MAP3K5: variants seen among roughly 807,000 people sequenced by gnomAD.
MAP3K5 encodes mitogen-activated protein kinase kinase kinase 5.
Under a neutral mutation model 158.7 loss-of-function variants are expected in MAP3K5, and 56 were observed. The observed-to-expected ratio is 0.35, with a 90% CI of 0.28 to 0.44. The LOEUF is 0.44. Among genes scored for constraint, MAP3K5 ranks in the 20% least tolerant of loss-of-function variants. The pLI is 1.00. For missense variants in MAP3K5, 1,294 were observed against 1,674.8 expected, an observed-to-expected ratio of 0.77 and a Z score of 3.97; for synonymous variants, 579 against 601.7, an observed-to-expected ratio of 0.96 and a Z score of 0.55.
At chr6:136,641,504 TAA>T (rs1421166155) in intron 12 of MAP3K5, among the ~76,000 whole-genome samples, 6 of 151,956 alleles carry the variant, frequency 3.9e-5, no homozygotes, top group South Asian at 2.1e-4. Flanking sequence ...TCTTGATTCT[TAA>T]AAAAATATAT....
intron 8 of MAP3K5, among the ~76,000 whole-genome samples, chr6:136,668,916 A>C (rs965225666): frequency 1.3e-5 from 2 of 152,188 alleles, no homozygotes; most frequent in Non-Finnish European, 2.9e-5. Context: ...TTTTTGAAAA[A>C]AAAGCACCAC....
At chr6:136,707,087 C>T (rs1023692417) in intron 2 of MAP3K5, among the ~76,000 whole-genome samples, 1 of 152,014 alleles carries the variant, frequency 6.6e-6, no homozygotes, top group Non-Finnish European at 1.5e-5. Flanking sequence ...CCTTGAAGAT[C>T]GAGGCTGCAG....
chr6:136,689,495 C>A (rs1780296325), intron 7 of MAP3K5, among the ~76,000 whole-genome samples: 1 of 152,122 alleles, frequency 6.6e-6, no homozygotes, highest in African/African-American at 2.4e-5. Flanking sequence ...TTGAATGTTT[C>A]TCCCCAAAAG....
Position 136,790,404 on chromosome 6 carries a change from G to C in MAP3K5, c.448+1306C>G, listed in dbSNP as rs1248725841. ...TCCAAATTATAATCCAAAAATAAGA[G>C]TGCTACAATTTTTAGAAAAGTTATG... On this transcript the variant is annotated intron_variant, in intron 1 of 29. Transcript: ENST00000359015. Among the ~76,000 whole-genome samples, 9 of 152,240 alleles carry C rather than the reference G, an allele frequency of 5.9e-5. No homozygotes were observed. In the East Asian group the frequency reaches 1.5e-3, roughly 26 times the overall value.
chr6:136,639,721 T>C (rs1415146902), intron 12 of MAP3K5, 83 bp from the exon 13 acceptor site: 3 of 663,824 alleles, frequency 4.5e-6, no homozygotes, highest in South Asian at 1.9e-5. Flanking sequence ...ATGTTTTAAA[T>C]TCAATCCCAT....
intron 1 of MAP3K5, among the ~76,000 whole-genome samples, chr6:136,752,748 G>C (rs1466780853): frequency 6.6e-6 from 1 of 152,172 alleles, no homozygotes. Flanking sequence ...ACTCCAGGAA[G>C]AAGATGAAGG....
chr6:136,592,055 C>G, intron 23 of MAP3K5, 118 bp downstream of exon 23: 2 of 813,824 alleles, frequency 2.5e-6, no homozygotes, highest in Non-Finnish European at 3.7e-6. Flanking sequence ...GTAGGTTTAT[C>G]ATGATGATCA....
At chr6:136,580,739 G>T (rs563610908) in intron 24 of MAP3K5, among the ~76,000 whole-genome samples, 5 of 152,028 alleles carry the variant, frequency 3.3e-5, no homozygotes, top group Non-Finnish European at 5.9e-5. Flanking sequence ...GGAAGACAGG[G>T]TCTAAGAGAC....
intron 25 of MAP3K5, 133 bp from the exon 26 acceptor site, chr6:136,568,007 G>A: frequency 1.0e-6 from 1 of 953,608 alleles, no homozygotes; most frequent in Non-Finnish European, 1.5e-6. Flanking sequence ...CAAAAGTGAG[G>A]ATGGATTTCT....
intron 21 of MAP3K5, among the ~76,000 whole-genome samples, chr6:136,597,062 G>C (rs1775665146): frequency 6.6e-6 from 1 of 152,166 alleles, no homozygotes. Context: ...TCCTCTATGG[G>C]GCTGACCACG....
At chr6:136,739,970 A>C (rs1782643652) in intron 1 of MAP3K5, among the ~76,000 whole-genome samples, 1 of 152,078 alleles carries the variant, frequency 6.6e-6, no homozygotes, top group Non-Finnish European at 1.5e-5. Context: ...ACTCAGCAGG[A>C]GCCCCTCTTT....
intron 24 of MAP3K5, among the ~76,000 whole-genome samples, chr6:136,583,227 T>A (rs189364857): frequency 1.3e-5 from 2 of 152,352 alleles, no homozygotes; most frequent in Admixed American, 1.3e-4. Context: ...AGAAAATGTA[T>A]GACTAAAGTG....
At chr6:136,638,271 G>C (rs574870163) in intron 13 of MAP3K5, among the ~76,000 whole-genome samples, 9 of 152,284 alleles carry the variant, frequency 5.9e-5, no homozygotes, top group Admixed American at 5.9e-4. Flanking sequence ...TTAAGGATTT[G>C]CATCAGCCAC....
intron 8 of MAP3K5, among the ~76,000 whole-genome samples, chr6:136,663,959 C>A (rs1779120000): frequency 6.6e-6 from 1 of 151,762 alleles, no homozygotes. Flanking sequence ...TTTTTATGAC[C>A]CTGACTTTTC....
In MAP3K5 at chr6:136,741,880, A is replaced by G. The variant is rs1782721980; in HGVS notation, c.449-21291T>C. Among the ~76,000 whole-genome samples, 6 of 152,196 alleles carry G rather than the reference A, an allele frequency of 3.9e-5. No homozygotes were observed. In the South Asian group the frequency reaches 1.2e-3, roughly 31 times the overall value. ...ACAAGTGGAATTTGAAATTAAAAAC[A>G]CAATGCCATTTACATTAGCACCCCC... On this transcript the variant is annotated intron_variant, in intron 1 of 29. Transcript: ENST00000359015.
At chr6:136,777,979 A>AT (rs1357008688) in intron 1 of MAP3K5, among the ~76,000 whole-genome samples, 1 of 152,198 alleles carries the variant, frequency 6.6e-6, no homozygotes, top group Admixed American at 6.5e-5. Context: ...AACAACCTAG[A>AT]TTTTTTCACA....
chr6:136,786,071 T>C (rs1468139181), intron 1 of MAP3K5, among the ~76,000 whole-genome samples: 2 of 152,232 alleles, frequency 1.3e-5, no homozygotes, highest in African/African-American at 4.8e-5. Context: ...GCAGCATTGA[T>C]GTCTTTTAAA....
At chr6:136,727,804 C>CAA (rs5880305) in intron 1 of MAP3K5, among the ~76,000 whole-genome samples, 1 of 150,930 alleles carries the variant, frequency 6.6e-6, no homozygotes. Flanking sequence ...ACTAAAAATA[C>CAA]AAAAAAAATT....
intron 26 of MAP3K5, among the ~76,000 whole-genome samples, chr6:136,563,368 T>G (rs528774564): frequency 6.6e-5 from 10 of 152,286 alleles, no homozygotes; most frequent in Admixed American, 2.0e-4. Context: ...TCAATGCAAA[T>G]CAGAAAAGTA....
Sources: allele counts gnomAD v4.1 joint callset (sites outside exome capture counted in the v4.1 genomes callset), GRCh38; gene constraint gnomAD v4.1.1; transcripts MANE v1.5; gene names NCBI Gene and HGNC (gene_info 2026-07-23, HGNC 2026-07-21).